The following RSF1 variants were observed in gnomAD, a reference collection of about 807,000 sequenced individuals.
RSF1 encodes HBV pX-associated protein 8.
A neutral mutation model predicts 145.2 loss-of-function variants in RSF1; 13 were observed. The ratio of observed to expected loss-of-function variants is 0.09; its 90% CI spans 0.06 to 0.14. The LOEUF is 0.14. Among genes scored for constraint, RSF1 ranks in the 10% least tolerant of loss-of-function variants. RSF1 has a pLI of 1.00. For missense variants in RSF1, 1,517 were observed against 1,718.2 expected, an observed-to-expected ratio of 0.88 and a Z score of 2.07; for synonymous variants, 577 against 592.6, an observed-to-expected ratio of 0.97 and a Z score of 0.38.
intron 6 of RSF1, 68 bp downstream of exon 6, chr11:77,700,653 G>A (rs1362619533): frequency 1.6e-6 from 2 of 1,243,186 alleles, no homozygotes; most frequent in East Asian, 2.6e-5. Flanking sequence ...CTAAGTTTTA[G>A]ACAAAACCAA....
intron 1 of RSF1, among the ~76,000 whole-genome samples, chr11:77,775,377 C>G (rs1948331612): frequency 6.6e-6 from 1 of 152,114 alleles, no homozygotes; most frequent in South Asian, 2.1e-4. Flanking sequence ...GCAAAGATGA[C>G]TCTGGGTTGT....
At chr11:77,671,020 C>T (rs1188975499) in intron 15 of RSF1, among the ~76,000 whole-genome samples, 1 of 139,764 alleles carries the variant, frequency 7.2e-6, no homozygotes, top group Non-Finnish European at 1.5e-5. Flanking sequence ...CCAGGAGAAT[C>T]GTTTGAACTT....
At chr11:77,808,469 G>A (rs35774637) in intron 1 of RSF1, among the ~76,000 whole-genome samples, 26 of 148,666 alleles carry the variant, frequency 1.7e-4, no homozygotes, top group Admixed American at 7.4e-4. Context: ...TCAACTGTAC[G>A]TATGACTTGT....
intron 1 of RSF1, among the ~76,000 whole-genome samples, chr11:77,785,323 C>T (rs554783691): frequency 5.4e-4 from 83 of 152,324 alleles, no homozygotes; most frequent in Non-Finnish European, 1.0e-3. Context: ...GGCACAGTGG[C>T]TCATGCCTGT....
chr11:77,717,028 A>T (rs1312191636), intron 5 of RSF1, among the ~76,000 whole-genome samples: 2 of 151,988 alleles, frequency 1.3e-5, no homozygotes, highest in African/African-American at 4.8e-5. Flanking sequence ...AAAGGCAAAA[A>T]TGAGCTAGGC....
At chr11:77,841,696 C>A in the RSF1 span, among the ~76,000 whole-genome samples, 1 of 152,150 alleles carries the variant, frequency 6.6e-6, no homozygotes, top group Non-Finnish European at 1.5e-5. Context: ...TCCTTGCAGC[C>A]TCTGGTCCAC....
intron 1 of RSF1, among the ~76,000 whole-genome samples, chr11:77,773,517 C>T (rs1217072516): frequency 6.6e-6 from 1 of 152,158 alleles, no homozygotes; most frequent in African/African-American, 2.4e-5. Context: ...TCCTCTAAAT[C>T]TAACTTAACC....
intron 3 of RSF1, among the ~76,000 whole-genome samples, chr11:77,744,118 T>G (rs367754714): frequency 6.6e-6 from 1 of 152,162 alleles, no homozygotes; most frequent in East Asian, 1.9e-4. Flanking sequence ...AACCTCTGCC[T>G]CCCGAGCTCA....
chr11:77,752,434 G>A (rs887717693), intron 2 of RSF1, among the ~76,000 whole-genome samples: 3 of 152,108 alleles, frequency 2.0e-5, no homozygotes, highest in African/African-American at 4.8e-5. Context: ...CTATGCGAAC[G>A]GCACACCTAT....
chr11:77,693,780 T>TA (rs929892640), intron 7 of RSF1, among the ~76,000 whole-genome samples, 169 bp from the exon 8 acceptor site: 12 of 151,416 alleles, frequency 7.9e-5, no homozygotes, highest in Middle Eastern at 6.8e-3. Context: ...TTTATTTATT[T>TA]ATTTATTTAT....
intron 2 of RSF1, among the ~76,000 whole-genome samples, chr11:77,748,360 G>A (rs1948025234): frequency 6.6e-6 from 1 of 151,606 alleles, no homozygotes; most frequent in Non-Finnish European, 1.5e-5. Flanking sequence ...GAGAAGCTGG[G>A]GCTATAGCCG....
In RSF1 at chr11:77,741,551, CA is replaced by C. The variant is rs1294711259; in HGVS notation, c.373-616del. Among the ~76,000 whole-genome samples the C allele has an allele frequency of 5.4e-5, 8 of 147,148 alleles. No homozygotes were observed. In the South Asian group the frequency reaches 1.5e-3, roughly 28 times the overall value. ...AAAAAAATTTCTATTAAAAATGTTT[CA>C]TTTTTTTTTTACATTTTCTTTATTT... On this transcript the variant is annotated intron_variant, in intron 3 of 15. Transcript: ENST00000308488.
chr11:77,667,805 G>A (rs950436173), intron 15 of RSF1, among the ~76,000 whole-genome samples: 4 of 152,138 alleles, frequency 2.6e-5, no homozygotes, highest in Non-Finnish European at 5.9e-5. Context: ...CTGGGTTCAA[G>A]CGATTCTCCT....
At chr11:77,748,984 G>T (rs1357987086) in intron 2 of RSF1, among the ~76,000 whole-genome samples, 1 of 152,174 alleles carries the variant, frequency 6.6e-6, no homozygotes, top group East Asian at 1.9e-4. Context: ...AGCATAAAAA[G>T]AAATGAGGTA....
chr11:77,796,715 A>T (rs1344625056), intron 1 of RSF1, among the ~76,000 whole-genome samples: 1 of 152,236 alleles, frequency 6.6e-6, no homozygotes. Context: ...GAAGAAGTCA[A>T]ATTGTCTCTG....
At chr11:77,772,848 GAAAAAA>G (rs1161762028) in intron 1 of RSF1, among the ~76,000 whole-genome samples, 1 of 85,194 alleles carries the variant, frequency 1.2e-5, no homozygotes, top group Non-Finnish European at 2.2e-5. Flanking sequence ...GCCCAAGATG[GAAAAAA>G]AAAAAAAAAA....
chr11:77,712,366 T>G (rs1006206404), intron 5 of RSF1, among the ~76,000 whole-genome samples: 1 of 152,214 alleles, frequency 6.6e-6, no homozygotes, highest in African/African-American at 2.4e-5. Flanking sequence ...CATGCAGAAC[T>G]GTGAGTCCAT....
chr11:77,737,433 C>T (rs975354908), intron 4 of RSF1, among the ~76,000 whole-genome samples: 1 of 149,352 alleles, frequency 6.7e-6, no homozygotes, highest in African/African-American at 2.5e-5. Context: ...GCAGCCTGGG[C>T]AACAAAGCGA....
At chr11:77,776,916 A>G (rs756065615) in intron 1 of RSF1, among the ~76,000 whole-genome samples, 11 of 152,212 alleles carry the variant, frequency 7.2e-5, no homozygotes, top group Non-Finnish European at 1.3e-4. Flanking sequence ...TGGCAATCCT[A>G]TATAGATTAT....
Sources: gnomAD v4.1 joint callset for allele counts (sites outside exome capture counted in the v4.1 genomes callset) on GRCh38, gnomAD v4.1.1 for gene constraint, MANE v1.5 for transcripts, NCBI Gene and HGNC (gene_info 2026-07-23, HGNC 2026-07-21) for gene names.